Variants in NAV3 observed in about 807,000 individuals in gnomAD.
NAV3 encodes pore membrane and/or filament interacting like protein 1.
Under a neutral mutation model 244.7 loss-of-function variants are expected in NAV3, and 87 were observed. The ratio of observed to expected loss-of-function variants is 0.36; its 90% CI spans 0.30 to 0.42. NAV3 has a LOEUF of 0.42. Among genes scored for constraint, NAV3 ranks in the 20% least tolerant of loss-of-function variants. NAV3 has a pLI of 1.00. For missense variants in NAV3, 2,663 were observed against 2,893.3 expected (o/e 0.92, Z 1.83); for synonymous variants, 1,126 against 1,042.2 (o/e 1.08, Z -1.55).
At chr12:77,703,468 A>G (rs1038209840) in intron 2 of NAV3, among the ~76,000 whole-genome samples, 3 of 152,128 alleles carry the variant, frequency 2.0e-5, no homozygotes, top group Non-Finnish European at 4.4e-5. Context: ...GCTATTCTGA[A>G]TAAAGCTATT....
At chr12:77,582,920 A>C (rs1869434635) in intron 2 of NAV3, among the ~76,000 whole-genome samples, 1 of 152,196 alleles carries the variant, frequency 6.6e-6, no homozygotes, top group Non-Finnish European at 1.5e-5. Context: ...GTGACCATTT[A>C]AGTGCCTAAT....
intron 2 of NAV3, among the ~76,000 whole-genome samples, chr12:77,720,169 C>G (rs770539): frequency 0.85 from 128,823 of 151,654 alleles, 55,378 homozygotes; most frequent in East Asian, 0.97. Flanking sequence ...CTCTCTCTCT[C>G]TCTCTCTCTC....
At position 77,909,223 on chromosome 12, in the gene NAV3, C is replaced by T. The variant is rs568168917; in HGVS notation, c.244-31096C>T. 3.9e-5 allele frequency among the ~76,000 whole-genome samples: 6 copies of T among 152,024 alleles called. No individual in the cohort carries two copies. In the East Asian group the frequency reaches 1.2e-3, roughly 29 times the overall value. On this transcript the variant is annotated intron_variant, in intron 1 of 39. Transcript: ENST00000397909. ...TGATAATTAAAGATGATAATTTTTT[C>T]AACAGGAAATAAAAGTCACTATCTG...
chr12:77,737,286 C>A (rs570822527), intron 2 of NAV3, among the ~76,000 whole-genome samples: 77 of 149,524 alleles, frequency 5.1e-4, no homozygotes, highest in African/African-American at 1.8e-3. Context: ...GGAAATGCTG[C>A]GTTCACCCAA....
At chr12:77,756,593 C>G (rs1869191554) in intron 2 of NAV3, among the ~76,000 whole-genome samples, 1 of 152,046 alleles carries the variant, frequency 6.6e-6, no homozygotes, top group Non-Finnish European at 1.5e-5. Flanking sequence ...ATTCCTAACT[C>G]TATATTTTAT....
intron 2 of NAV3, among the ~76,000 whole-genome samples, chr12:77,647,989 G>T (rs906658187): frequency 2.0e-5 from 3 of 152,086 alleles, no homozygotes; most frequent in Admixed American, 6.6e-5. Flanking sequence ...CCTGGCAGCA[G>T]TTCAAAAATA....
chr12:77,926,849 A>C (rs1888275168), intron 1 of NAV3, among the ~76,000 whole-genome samples: 1 of 152,208 alleles, frequency 6.6e-6, no homozygotes, highest in Non-Finnish European at 1.5e-5. Flanking sequence ...TCCATCAGTC[A>C]ATTTTTCTCT....
intron 1 of NAV3, among the ~76,000 whole-genome samples, chr12:77,930,214 C>A (rs1888646000): frequency 6.6e-6 from 1 of 151,810 alleles, no homozygotes; most frequent in African/African-American, 2.4e-5. Flanking sequence ...TTCTTTATAA[C>A]CCCCTTCTTC....
chr12:77,758,380 G>A (rs910345681), intron 2 of NAV3, among the ~76,000 whole-genome samples: 2 of 152,088 alleles, frequency 1.3e-5, no homozygotes, highest in East Asian at 1.9e-4. Context: ...AATGTTAGTT[G>A]GCCCTTAAGT....
intron 2 of NAV3, among the ~76,000 whole-genome samples, chr12:77,642,125 C>G (rs1283652456): frequency 2.0e-5 from 3 of 151,972 alleles, no homozygotes; most frequent in African/African-American, 7.3e-5. Context: ...TTTAGTGTCA[C>G]AAAGATTGGT....
chr12:77,747,583 T>C (rs986101880), intron 2 of NAV3, among the ~76,000 whole-genome samples: 11 of 152,188 alleles, frequency 7.2e-5, no homozygotes, highest in African/African-American at 2.2e-4. Flanking sequence ...CACATGCACA[T>C]GCATGTTTAT....
At chr12:77,791,694 C>T (rs1248078092) in intron 2 of NAV3, among the ~76,000 whole-genome samples, 1 of 152,178 alleles carries the variant, frequency 6.6e-6, no homozygotes, top group African/African-American at 2.4e-5. Flanking sequence ...ATAGTGAGCC[C>T]TCCATATCCA....
intron 5 of NAV3, among the ~76,000 whole-genome samples, chr12:77,973,365 T>TA (rs201806926): frequency 1.3e-5 from 2 of 151,276 alleles, no homozygotes; most frequent in East Asian, 1.9e-4. Context: ...CTTTCTGAAT[T>TA]AAAAAAAAAT....
intron 19 of NAV3, 134 bp downstream of exon 19, chr12:78,137,499 GC>G (rs1363110779): frequency 6.8e-6 from 6 of 880,146 alleles, no homozygotes; most frequent in Non-Finnish European, 9.7e-6. Context: ...GAAACTAGAA[GC>G]TTGAAGAAGT....
intron 3 of NAV3, among the ~76,000 whole-genome samples, chr12:77,959,143 G>A (rs1891639441): frequency 6.6e-6 from 1 of 152,120 alleles, no homozygotes; most frequent in South Asian, 2.1e-4. Flanking sequence ...GAAGAACATA[G>A]TTGGAAGTTG....
chr12:77,594,395 C>A (rs1231654474), intron 2 of NAV3, among the ~76,000 whole-genome samples: 1 of 152,108 alleles, frequency 6.6e-6, no homozygotes, highest in Non-Finnish European at 1.5e-5. Flanking sequence ...TTTCCACTGA[C>A]CTGTCAAAAA....
Position 78,007,071 on chromosome 12 carries a change from G to A in NAV3, c.1533G>A (p.Lys511=), listed in dbSNP as rs750238403. The change falls in exon 8 of 40, where the codon AAG becomes AAA. Residue 511 remains lysine, a synonymous_variant. Coordinates refer to ENST00000397909, the MANE Select transcript of NAV3 (RefSeq NM_001024383.2). ...CAAGCTTGATCCCTAAGGGCAGCAA[G>A]ACAACAGCAGCTAAGAAGGAAAGCT... The part of the protein sequence containing the change: ...KIASLIPKGS[K]TTAAKKESLI... The A allele has an allele frequency of 2.5e-6, 4 of 1,614,074 alleles. No individual in the cohort carries two copies. The African/African-American group carries it at 5.3e-5, about 22-fold the overall frequency.
intron 2 of NAV3, among the ~76,000 whole-genome samples, chr12:77,757,348 G>A (rs1869235253): frequency 6.6e-6 from 1 of 152,180 alleles, no homozygotes; most frequent in African/African-American, 2.4e-5. Context: ...TGTGGGAGGG[G>A]TGGCACTAAA....
At chr12:77,698,110 A>G (rs1230135038) in intron 2 of NAV3, among the ~76,000 whole-genome samples, 4 of 152,156 alleles carry the variant, frequency 2.6e-5, no homozygotes, top group Non-Finnish European at 5.9e-5. Context: ...TAAAGGCGAT[A>G]GAGAAGTGGA....
Sources: allele counts gnomAD v4.1 joint callset (sites outside exome capture counted in the v4.1 genomes callset), GRCh38; gene constraint gnomAD v4.1.1; transcripts MANE v1.5; gene names NCBI Gene and HGNC (gene_info 2026-07-23, HGNC 2026-07-21).